The following POLN variants were observed in gnomAD, a reference collection of about 807,000 sequenced individuals.
POLN encodes DNA polymerase N.
A neutral mutation model predicts 113.5 loss-of-function variants in POLN; 108 were observed. That is an observed-to-expected ratio of 0.95 (90% CI 0.81 to 1.12). POLN has a LOEUF of 1.12. Among genes scored for constraint, POLN ranks in the 50% most tolerant of loss-of-function variants. POLN has a pLI of 0.00. For missense variants in POLN, 1,097 were observed against 1,077.1 expected (o/e 1.02, Z -0.26); for synonymous variants, 386 against 391.5 (o/e 0.99, Z 0.17).
intron 22 of POLN, chr4:2,081,299 G>A: frequency 3.8e-6 from 4 of 1,041,488 alleles, no homozygotes; most frequent in Non-Finnish European, 5.6e-6. Context: ...GGGGAGGATG[G>A]AAGGGCCTAG....
chr4:2,110,451 C>G (rs1731164133), intron 19 of POLN, among the ~76,000 whole-genome samples: 1 of 151,998 alleles, frequency 6.6e-6, no homozygotes, highest in South Asian at 2.1e-4. Flanking sequence ...GAATCCAGGA[C>G]CTGGTTTTTC....
intron 16 of POLN, chr4:2,156,573 C>G (rs925825652): frequency 4.7e-6 from 3 of 639,730 alleles, no homozygotes; most frequent in Non-Finnish European, 8.5e-6. Context: ...GGGTGTGAAG[C>G]CCCCCTCTTG....
intron 16 of POLN, among the ~76,000 whole-genome samples, chr4:2,144,140 G>GTTTTTTTTTTTTTTTTTTT (rs1561035526): frequency 7.3e-6 from 1 of 136,152 alleles, no homozygotes. Flanking sequence ...TTAAAAATTT[G>GTTTTTTTTTTTTTTTTTTT]TTCTTTTTTT....
intron 25 of POLN, 81 bp from the exon 26 acceptor site, chr4:2,072,380 G>C: frequency 8.1e-7 from 1 of 1,240,138 alleles, no homozygotes; most frequent in Non-Finnish European, 1.1e-6. Context: ...CAGGGGGACA[G>C]GGCCTACAGC....
chr4:2,231,956 T>A, intron 2 of POLN: 10 of 1,423,192 alleles, frequency 7.0e-6, no homozygotes, highest in Non-Finnish European at 9.8e-6. Flanking sequence ...GCCTTAATCT[T>A]TGATTGAGTT....
intron 7 of POLN, among the ~76,000 whole-genome samples, chr4:2,187,121 T>C (rs1260296057): frequency 6.6e-6 from 1 of 151,886 alleles, no homozygotes; most frequent in Non-Finnish European, 1.5e-5. Context: ...ATATAGAAAA[T>C]TGCCTCAAAA....
intron 5 of POLN, among the ~76,000 whole-genome samples, chr4:2,205,371 T>C (rs913233088): frequency 6.6e-6 from 1 of 152,074 alleles, no homozygotes; most frequent in African/African-American, 2.4e-5. Context: ...CTTAGGAATA[T>C]ACCTAACCAA....
chr4:2,075,045 C>T (rs987025100), intron 24 of POLN, among the ~76,000 whole-genome samples: 3 of 152,184 alleles, frequency 2.0e-5, no homozygotes, highest in African/African-American at 7.2e-5. Flanking sequence ...TCCAACACCC[C>T]CAACAAGAAC....
In POLN at chr4:2,079,449, A is replaced by G. The variant is rs9686012; in HGVS notation, c.2387+1509T>C. ...CTGCCTGGCATCAGTGTATATGCGT[A>G]TATGTGTGTGCATGGGTTGTATGCA... On this transcript the variant is annotated intron_variant, in intron 23 of 25. Transcript: ENST00000511885. The G allele has an allele frequency of 3.9e-3, 3,839 of 985,486 alleles. 133 individuals are homozygous for G. The African/African-American group carries it at 0.063, about 16-fold the overall frequency. 61.0% of individuals were successfully genotyped at this position (985,486 alleles called of 1,614,324 possible).
intron 19 of POLN, among the ~76,000 whole-genome samples, chr4:2,110,563 C>T (rs535977812): frequency 6.6e-6 from 1 of 152,190 alleles, no homozygotes; most frequent in African/African-American, 2.4e-5. Flanking sequence ...GGGATATCAC[C>T]ACCGATCCCA....
chr4:2,081,410 T>C, intron 22 of POLN: 1 of 623,132 alleles, frequency 1.6e-6, no homozygotes, highest in Non-Finnish European at 2.8e-6. Context: ...GCCCAGTTCT[T>C]GCGGGAATCA....
chr4:2,080,846 C>G, intron 23 of POLN, 112 bp downstream of exon 23: 1 of 1,582,626 alleles, frequency 6.3e-7, no homozygotes, highest in African/African-American at 1.3e-5. Context: ...CAGGAGGGGA[C>G]GGGGGCCCGA....
intron 5 of POLN, among the ~76,000 whole-genome samples, chr4:2,201,293 A>AAAAAAC: frequency 6.7e-6 from 1 of 148,660 alleles, no homozygotes; most frequent in Non-Finnish European, 1.5e-5. Flanking sequence ...AAAAAAAAAA[A>AAAAAAC]AAAAAAAAAA....
chr4:2,085,600 G>C lies in POLN; in HGVS notation c.2197+13C>G. 6.2e-7 allele frequency: 1 copy of C among 1,613,598 alleles called. No individual in the cohort carries two copies. On this transcript the variant is annotated intron_variant, in intron 21 of 25. Coordinates refer to ENST00000511885, the MANE Select transcript of POLN (RefSeq NM_181808.4). ...TGGCAGGGAGCAGGGAGCTCTGGTT[G>C]TGGCCAACTCACCTGTCTGGTGACA...
chr4:2,131,334 T>A, intron 16 of POLN, 44 bp from the exon 17 acceptor site: 1 of 1,276,120 alleles, frequency 7.8e-7, no homozygotes, highest in Non-Finnish European at 1.1e-6. Context: ...TATCTACTCT[T>A]AATCTGTACT....
chr4:2,229,161 ATCT>A lies in POLN; in HGVS notation c.68_70del (p.Lys23del). On this transcript the variant is annotated inframe_deletion, in exon 3 of 26. Transcript: ENST00000511885. ...ATCACCTGAATGCATAGCAGACATA[ATCT>A]TCTGAGCAACACTGGAGAGCGGTGT... 1 of 1,610,808 alleles carries A rather than the reference ATCT, an allele frequency of 6.2e-7. No individual in the cohort carries two copies. The highest frequency in any genetic ancestry group is 2.2e-5 in the East Asian group (1 of 44,852).
rs1734352903 is a variant in POLN, at chr4:2,225,193, A to G, written c.133+3906T>C. 2.0e-5 allele frequency among the ~76,000 whole-genome samples: 3 copies of G among 152,294 alleles called. No homozygotes were observed. The South Asian group carries it at 6.2e-4, about 32-fold the overall frequency. ...TACTAAGTTGTTAACATGGGTTAAC[A>G]ATAAGGGAGAGGGTTCGACAAGCAA... On this transcript the variant is annotated intron_variant, in intron 3 of 25. Coordinates refer to ENST00000511885, the MANE Select transcript of POLN (RefSeq NM_181808.4).
At chr4:2,133,841 G>A (rs991151628) in intron 16 of POLN, among the ~76,000 whole-genome samples, 6 of 152,046 alleles carry the variant, frequency 3.9e-5, no homozygotes, top group Non-Finnish European at 5.9e-5. Flanking sequence ...GAGATCCCCC[G>A]ACTTCATAAA....
Position 2,092,908 on chromosome 4 carries a change from A to G in POLN, c.2065+2943T>C, listed in dbSNP as rs544596076. On this transcript the variant is annotated intron_variant, in intron 20 of 25. Coordinates refer to ENST00000511885, the MANE Select transcript of POLN (RefSeq NM_181808.4). Reference sequence around the variant, plus strand: ...CACAAGGAGAACAGAGACCAGCCTAAGCCCACAGCAGTGGATACACAGTAA... The same window carrying G: ...CACAAGGAGAACAGAGACCAGCCTAGGCCCACAGCAGTGGATACACAGTAA... 9.1e-4 allele frequency among the ~76,000 whole-genome samples: 138 copies of G among 152,364 alleles called. 1 individual carries two copies. Among genetic ancestry groups the G allele is most frequent in the Non-Finnish European group, 9.9e-4 (67 of 68,020 alleles).
Sources: allele counts gnomAD v4.1 joint callset (sites outside exome capture counted in the v4.1 genomes callset), GRCh38; gene constraint gnomAD v4.1.1; transcripts MANE v1.5; gene names NCBI Gene and HGNC (gene_info 2026-07-23, HGNC 2026-07-21).